DENND4C: variants seen among roughly 807,000 people sequenced by gnomAD.
The protein encoded by DENND4C is DENN domain-containing protein 4C.
A neutral mutation model predicts 203.0 loss-of-function variants in DENND4C; 108 were observed. The observed-to-expected ratio is 0.53, with a 90% CI of 0.46 to 0.62. The LOEUF (loss-of-function observed/expected upper bound fraction) is 0.62, where lower values mean the gene tolerates loss of function less well. Among genes scored for constraint, DENND4C ranks in the 20% least tolerant of loss-of-function variants. The pLI is 0.00. For missense variants in DENND4C, 2,481 were observed against 2,301.2 expected, an observed-to-expected ratio of 1.08 and a Z score of -1.60; for synonymous variants, 871 against 792.4, an observed-to-expected ratio of 1.10 and a Z score of -1.67.
At chr9:19,241,300 T>C (rs1460842373) in intron 1 of DENND4C, among the ~76,000 whole-genome samples, 1 of 152,236 alleles carries the variant, frequency 6.6e-6, no homozygotes, top group Admixed American at 6.5e-5. Flanking sequence ...GTAACAACAC[T>C]TAAATACAAA....
At position 19,265,431 on chromosome 9, in the gene DENND4C, C is replaced by A. The variant is rs1588782046; in HGVS notation, c.-17-10727C>A. Among the ~76,000 whole-genome samples the A allele has an allele frequency of 4.4e-5, 5 of 114,680 alleles. No homozygotes were observed. In the Admixed American group the frequency reaches 5.4e-4, roughly 12 times the overall value. 75.2% of individuals were successfully genotyped at this position (114,680 alleles called of 152,430 possible). A position where few individuals can be genotyped will look rare whatever the true frequency, so the allele number is the denominator to read the frequency against. ...CCAAAGTTCCTCTTGTTACTGATTT[C>A]TTTTTTATTTTTATTTATTTATTTA... On this transcript the variant is annotated intron_variant, in intron 1 of 32. Transcript: ENST00000434457.
At chr9:19,315,504 T>TAC (rs1563794449) in intron 10 of DENND4C, among the ~76,000 whole-genome samples, 4 of 151,086 alleles carry the variant, frequency 2.6e-5, no homozygotes, top group Admixed American at 6.6e-5. Flanking sequence ...TATATATATA[T>TAC]ACATGTATGT....
In DENND4C at chr9:19,272,193, G is replaced by T. The variant is rs575250597; in HGVS notation, c.-17-3965G>T. 2.0e-5 allele frequency among the ~76,000 whole-genome samples: 3 copies of T among 152,044 alleles called. No homozygotes were observed. The South Asian group carries it at 6.2e-4, about 32-fold the overall frequency. On this transcript the variant is annotated intron_variant, in intron 1 of 32. Coordinates refer to ENST00000434457, the MANE Select transcript of DENND4C (RefSeq NM_001330640.2). ...CCAGCACTTTGGGAGGCCAAGGTGG[G>T]CGGATCACCTGAGGTCGAGAGTTTG...
chr9:19,346,973 A>C lies in DENND4C; in HGVS notation c.4204A>C (p.Ile1402Leu). The C allele has an allele frequency of 1.2e-6, 2 of 1,614,168 alleles. No homozygotes were observed. ...TTTGTCAGGGCTAAAGCTGGATAAT[A>C]TACTCTCAGGGCCCAAGATAGATGT... is the stretch of plus-strand genomic sequence containing the variant. ...NSLSGLKLDN[I>L]LSGPKIDVLK... Residue 1402 changes from isoleucine (I) to leucine (L), a missense_variant, in exon 23 of 33, where the codon ATA becomes CTA. Physicochemically the swap from Ile to Leu is conservative, Grantham distance 5. Transcript: ENST00000434457.
At chr9:19,273,800 A>G (rs1212438018) in intron 1 of DENND4C, among the ~76,000 whole-genome samples, 1 of 152,040 alleles carries the variant, frequency 6.6e-6, no homozygotes, top group Non-Finnish European at 1.5e-5. Context: ...GAACAATTGG[A>G]ACTCTCAAAG....
At chr9:19,361,208 C>G (rs1024244538) in intron 29 of DENND4C, among the ~76,000 whole-genome samples, 2 of 152,128 alleles carry the variant, frequency 1.3e-5, no homozygotes. Context: ...GCAATTCTCA[C>G]AACCACCTTA....
In DENND4C at chr9:19,300,218, C is replaced by A. The variant is rs767453417; in HGVS notation, c.1198C>A (p.Leu400Met). The A allele has an allele frequency of 5.5e-5, 88 of 1,611,262 alleles. No individual in the cohort carries two copies. Among genetic ancestry groups the A allele is most frequent in the Non-Finnish European group, 7.0e-5 (83 of 1,178,098 alleles). Reference sequence around the variant, plus strand: ...CAACTTTAGCACCTTGCTAATGAATCTGGGTCCTGAGAATTGTGCAACACT... The same window carrying A: ...CAACTTTAGCACCTTGCTAATGAATATGGGTCCTGAGAATTGTGCAACACT... Reference protein sequence around the residue: ...GANFSTLLMNLGPENCATLLL... With the variant: ...GANFSTLLMNMGPENCATLLL... The change falls in exon 9 of 33, where the codon CTG (leucine) becomes ATG (methionine). Residue 400 changes from leucine (L) to methionine (M), a missense_variant. Physicochemically the swap from Leu to Met is conservative, Grantham distance 15 (BLOSUM62 2). Around this residue, in one of 3 missense-constraint regions of DENND4C, gnomAD observed 2,289 missense variants for 2,113.3 expected, o/e 1.08. Coordinates refer to ENST00000434457, the MANE Select transcript of DENND4C (RefSeq NM_001330640.2).
chr9:19,302,355 A>G (rs1453974706), intron 9 of DENND4C, among the ~76,000 whole-genome samples: 2 of 152,256 alleles, frequency 1.3e-5, no homozygotes, highest in East Asian at 1.9e-4. Flanking sequence ...TAGTGTTGCA[A>G]AAAGGCAAAG....
chr9:19,344,440 G>A (rs1822349452), intron 22 of DENND4C, among the ~76,000 whole-genome samples: 1 of 152,154 alleles, frequency 6.6e-6, no homozygotes. Flanking sequence ...AGGCTGTAGT[G>A]AGCCATGATT....
At chr9:19,311,600 T>G (rs545186958) in intron 10 of DENND4C, among the ~76,000 whole-genome samples, 3 of 152,080 alleles carry the variant, frequency 2.0e-5, no homozygotes, top group Non-Finnish European at 1.5e-5. Flanking sequence ...TATAGAAAAA[T>G]AGGCAAAGAC....
chr9:19,254,936 C>T (rs1463507350), intron 1 of DENND4C, among the ~76,000 whole-genome samples: 1 of 149,806 alleles, frequency 6.7e-6, no homozygotes, highest in African/African-American at 2.5e-5. Context: ...AGTTCAGGAC[C>T]AGCCTGGCCA....
At chr9:19,298,180 CA>C in intron 7 of DENND4C, 58 bp downstream of exon 7, 1 of 1,472,394 alleles carries the variant, frequency 6.8e-7, no homozygotes, top group African/African-American at 1.4e-5. Context: ...TGAGTCATTG[CA>C]GAGTGGATTC....
At chr9:19,258,642 T>A (rs1476829822) in intron 1 of DENND4C, among the ~76,000 whole-genome samples, 3 of 150,410 alleles carry the variant, frequency 2.0e-5, no homozygotes, top group African/African-American at 7.4e-5. Context: ...ATATCCATTC[T>A]ATTTTCTTTA....
At chr9:19,240,226 T>C (rs909643692) in intron 1 of DENND4C, among the ~76,000 whole-genome samples, 2 of 152,212 alleles carry the variant, frequency 1.3e-5, no homozygotes, top group Non-Finnish European at 2.9e-5. Context: ...TGTAGCATGC[T>C]ACTCTTGTAG....
chr9:19,369,438 A>C (rs528029405), intron 30 of DENND4C, among the ~76,000 whole-genome samples: 4 of 152,328 alleles, frequency 2.6e-5, no homozygotes, highest in African/African-American at 9.6e-5. Flanking sequence ...CTATTGGTTA[A>C]GCAAGGAGAA....
intron 1 of DENND4C, among the ~76,000 whole-genome samples, chr9:19,248,764 T>G (rs1036265345): frequency 6.6e-6 from 1 of 151,570 alleles, no homozygotes; most frequent in Non-Finnish European, 1.5e-5. Flanking sequence ...CCTTCCACTT[T>G]CTCTCTGTTT....
At chr9:19,267,640 G>C (rs1286075581) in intron 1 of DENND4C, among the ~76,000 whole-genome samples, 1 of 151,842 alleles carries the variant, frequency 6.6e-6, no homozygotes, top group African/African-American at 2.4e-5. Context: ...GAGCTCAGGG[G>C]ATCTTCCCAC....
chr9:19,287,492 C>T (rs887389016), intron 3 of DENND4C, among the ~76,000 whole-genome samples: 8 of 152,006 alleles, frequency 5.3e-5, no homozygotes, highest in African/African-American at 1.9e-4. Flanking sequence ...GTGATCTTCC[C>T]ACCTTAGCCT....
At chr9:19,345,304 A>G (rs7029977) in intron 22 of DENND4C, among the ~76,000 whole-genome samples, 3,292 of 152,298 alleles carry the variant, frequency 0.022, 122 homozygotes, top group African/African-American at 0.073. Context: ...TGTGAAGGCT[A>G]GGATTATGTC....
Sources: gnomAD v4.1 joint callset for allele counts (sites outside exome capture counted in the v4.1 genomes callset) on GRCh38, gnomAD v4.1.1 for gene constraint, gnomAD v4.1.1 regional missense constraint, MANE v1.5 for transcripts, NCBI Gene and HGNC (gene_info 2026-07-23, HGNC 2026-07-21) for gene names.